OLFML2B: variants seen among roughly 807,000 people sequenced by gnomAD.
OLFML2B encodes olfactomedin-like protein 2B.
OLFML2B carries 57 observed loss-of-function variants against 74.9 expected under a neutral mutation model. That is an observed-to-expected ratio of 0.76 (90% CI 0.61 to 0.95). OLFML2B has a LOEUF of 0.95. OLFML2B is among the 40% of genes least tolerant of loss of function. OLFML2B has a pLI of 0.00. For synonymous variants in OLFML2B, 388 were observed against 405.8 expected, an observed-to-expected ratio of 0.96 and a Z score of 0.53; for missense variants, 986 against 970.6, an observed-to-expected ratio of 1.02 and a Z score of -0.21.
chr1:162,009,587 A>G (rs1690318123), intron 3 of OLFML2B, among the ~76,000 whole-genome samples: 1 of 152,212 alleles, frequency 6.6e-6, no homozygotes, highest in Non-Finnish European at 1.5e-5. Context: ...GTTTTAGGCA[A>G]GCCTGCCCCT....
Position 161,984,181 on chromosome 1 carries a change from G to A in OLFML2B, c.1747C>T (p.Arg583Cys). Residue 583 changes from arginine (R) to cysteine (C), a missense_variant, in exon 8 of 8, where the codon CGC becomes TGC. Coordinates refer to ENST00000294794, the MANE Select transcript of OLFML2B (RefSeq NM_015441.3). ...GAFYYNRAFT[R>C]NIIKYDLKQR... ...TTCAGGTCGTACTTGATGATGTTGC[G>A]GGTGAAGGCGCGATTGTAGTAGAAG... The A allele has an allele frequency of 3.7e-6, 6 of 1,602,582 alleles. No homozygotes were observed. The highest frequency in any genetic ancestry group is 1.7e-4 in the Middle Eastern group (1 of 5,990).
rs1412916566 is a variant in OLFML2B, at chr1:162,017,429, G to C, written c.517C>G (p.Leu173Val). ...LLKLHSVTTK[L>V]VGRVDKLEEE... Reference sequence around the variant, plus strand: ...TCCAGTTTATCCACTCGCCCCACCAGTTTGGTGGTGACTGAATGTAGCTTC... The same window carrying C: ...TCCAGTTTATCCACTCGCCCCACCACTTTGGTGGTGACTGAATGTAGCTTC... Residue 173 changes from leucine (L) to valine (V), a missense_variant, in exon 3 of 8, where the codon CTG becomes GTG. Transcript: ENST00000294794. 1.2e-6 allele frequency: 2 copies of C among 1,613,318 alleles called. No individual in the cohort carries two copies. The highest frequency in any genetic ancestry group is 2.2e-5 in the East Asian group (1 of 44,864).
chr1:162,006,576 G>C, intron 3 of OLFML2B, 103 bp from the exon 4 acceptor site: 1 of 903,698 alleles, frequency 1.1e-6, no homozygotes, highest in Non-Finnish European at 1.7e-6. Context: ...CAACAGACAG[G>C]CTGAGAAATC....
At chr1:161,988,185 C>CTTTCTATGTA (rs1348054783) in intron 6 of OLFML2B, among the ~76,000 whole-genome samples, 1 of 152,232 alleles carries the variant, frequency 6.6e-6, no homozygotes, top group Non-Finnish European at 1.5e-5. Flanking sequence ...TTACTACGCA[C>CTTTCTATGTA]TTTCTATGTA....
Position 162,000,109 on chromosome 1 carries a change from TCACGC to T in OLFML2B, c.948_949+3del. 6.3e-7 allele frequency: 1 copy of T among 1,582,554 alleles called. No individual in the cohort carries two copies. Among genetic ancestry groups the T allele is most frequent in the South Asian group, 1.1e-5 (1 of 87,834 alleles). On this transcript the variant is annotated splice_donor_variant and splice_donor_region_variant and coding_sequence_variant and intron_variant, in exon 5 of 8. Coordinates refer to ENST00000294794, the MANE Select transcript of OLFML2B (RefSeq NM_015441.3). LOFTEE classifies it high-confidence loss of function. The stretch of plus-strand genomic sequence containing the variant: ...CTGGGGCGGCCCTGTTGACCCCAAC[TCACGC>T]TGCTCTTCAATGTCATTCTCTTCTT...
At chr1:162,010,030 G>A (rs1375690365) in intron 3 of OLFML2B, among the ~76,000 whole-genome samples, 1 of 152,256 alleles carries the variant, frequency 6.6e-6, no homozygotes, top group African/African-American at 2.4e-5. Flanking sequence ...TGCTGGCAAT[G>A]TGGCGGCAGA....
At chr1:161,994,097 CT>C (rs754109712) in intron 6 of OLFML2B, among the ~76,000 whole-genome samples, 16 of 152,236 alleles carry the variant, frequency 1.1e-4, no homozygotes, top group Admixed American at 3.9e-4. Flanking sequence ...TATACGATGA[CT>C]GGATTTCCAG....
At chr1:162,008,487 G>A (rs923158075) in intron 3 of OLFML2B, among the ~76,000 whole-genome samples, 1 of 152,096 alleles carries the variant, frequency 6.6e-6, no homozygotes, top group Non-Finnish European at 1.5e-5. Flanking sequence ...AGAGGATCCC[G>A]GCACACAGAC....
At chr1:161,985,235 C>T in intron 6 of OLFML2B, 1 of 388,678 alleles carries the variant, frequency 2.6e-6, no homozygotes, top group East Asian at 4.3e-5. Flanking sequence ...CCTGTTCTGA[C>T]TTCTCAGTCC....
intron 6 of OLFML2B, among the ~76,000 whole-genome samples, chr1:161,987,931 C>T (rs1436832547): frequency 1.3e-5 from 2 of 152,158 alleles, no homozygotes; most frequent in Admixed American, 1.3e-4. Flanking sequence ...GGGAAGAGAT[C>T]AGTAAACCAT....
In OLFML2B at chr1:162,020,003, A is replaced by G. The variant is rs1690650788; in HGVS notation, c.354T>C (p.Cys118=). The change falls in exon 2 of 8, where the codon TGT becomes TGC. Residue 118 remains cysteine, a synonymous_variant. Transcript: ENST00000294794. ...ITSGSSCKCA[C]VAPPSALNPC... ...GATTGAGGGCCGATGGGGGTGCTAC[A>G]CAGGCACACTTGCACGACGAGCCTG... The G allele has an allele frequency of 1.9e-6, 3 of 1,614,046 alleles. No individual in the cohort carries two copies. The highest frequency in any genetic ancestry group is 2.7e-5 in the African/African-American group (2 of 74,922).
chr1:161,986,643 T>G (rs1282728241), intron 6 of OLFML2B, among the ~76,000 whole-genome samples: 1 of 152,164 alleles, frequency 6.6e-6, no homozygotes, highest in Non-Finnish European at 1.5e-5. Flanking sequence ...AACAGAAAAC[T>G]CTGACTGAGC....
Position 161,984,241 on chromosome 1 carries a change from A to G in OLFML2B, c.1687T>C (p.Trp563Arg), listed in dbSNP as rs1464828776. 5 of 1,534,958 alleles carry G rather than the reference A, an allele frequency of 3.3e-6. No homozygotes were observed. The highest frequency in any genetic ancestry group is 4.4e-6 in the Non-Finnish European group (5 of 1,142,116). Residue 563 changes from tryptophan (W) to arginine (R), a missense_variant, in exon 8 of 8, where the codon TGG (tryptophan) becomes CGG (arginine). Coordinates refer to ENST00000294794, the MANE Select transcript of OLFML2B (RefSeq NM_015441.3). ...TATACCACGTGGCCTGTGCCGATCC[A>G]GCTGTACGGGAGCTTGTAGGAATTG... Reference protein sequence around the residue: ...WSNSYKLPYSWIGTGHVVYNG... With the variant: ...WSNSYKLPYSRIGTGHVVYNG...
intron 4 of OLFML2B, 120 bp downstream of exon 4, chr1:162,006,177 G>T: frequency 1.1e-6 from 1 of 907,170 alleles, no homozygotes; most frequent in Non-Finnish European, 1.6e-6. Flanking sequence ...CAATTGTATG[G>T]ATGAAGCGAG....
chr1:162,022,642 C>T (rs958570705), intron 1 of OLFML2B, among the ~76,000 whole-genome samples: 28 of 152,270 alleles, frequency 1.8e-4, no homozygotes, highest in African/African-American at 6.5e-4. Context: ...ACTTGGTAAA[C>T]GGACACTTTA....
chr1:161,997,800 C>T (rs1689953831), intron 6 of OLFML2B, 25 bp downstream of exon 6: 2 of 1,588,094 alleles, frequency 1.3e-6, no homozygotes, highest in Non-Finnish European at 1.7e-6. Context: ...GATCAGGAGA[C>T]CAAGGCCAGG....
chr1:162,015,894 T>C (rs1690519224), intron 3 of OLFML2B, among the ~76,000 whole-genome samples: 1 of 152,128 alleles, frequency 6.6e-6, no homozygotes, highest in African/African-American at 2.4e-5. Flanking sequence ...TGTGTACAAA[T>C]CTCAGGATCC....
chr1:161,984,363 G>A (rs1292088895), intron 7 of OLFML2B, 87 bp from the exon 8 acceptor site: 2 of 1,487,952 alleles, frequency 1.3e-6, no homozygotes. Flanking sequence ...TGATCAACGA[G>A]GGGTCTGGAA....
chr1:162,010,528 C>G (rs1387488713), intron 3 of OLFML2B, among the ~76,000 whole-genome samples: 1 of 152,182 alleles, frequency 6.6e-6, no homozygotes, highest in Non-Finnish European at 1.5e-5. Context: ...CATGTAGGGC[C>G]AGCACAACCA....
Sources: gnomAD v4.1 joint callset for allele counts (sites outside exome capture counted in the v4.1 genomes callset) on GRCh38, gnomAD v4.1.1 for gene constraint, MANE v1.5 for transcripts, NCBI Gene and HGNC (gene_info 2026-07-23, HGNC 2026-07-21) for gene names.